The following ALG1L2 variants were observed in gnomAD, a reference collection of about 807,000 sequenced individuals.
ALG1L2 encodes the protein putative glycosyltransferase ALG1L2.
A neutral mutation model predicts 29.0 loss-of-function variants in ALG1L2; 32 were observed. The observed-to-expected ratio is 1.10, with a 90% confidence interval of 0.83 to 1.48. ALG1L2 has a LOEUF of 1.48. ALG1L2 is among the 40% of genes most tolerant of loss of function. ALG1L2 has a pLI of 0.00. For missense variants in ALG1L2, 318 were observed against 274.1 expected (o/e 1.16, Z -1.13); for synonymous variants, 110 against 109.5 (o/e 1.00, Z -0.03).
At chr3:130,097,602 T>A (rs545999487) in intron 7 of ALG1L2, among the ~76,000 whole-genome samples, 1 of 152,332 alleles carries the variant, frequency 6.6e-6, no homozygotes, top group South Asian at 2.1e-4. Flanking sequence ...ATGGGTGGAA[T>A]TCTGCAAAGG....
chr3:130,091,223 T>C lies in ALG1L2; in HGVS notation c.21-38T>C, dbSNP rs73866090. 3.4e-3 allele frequency: 5,401 copies of C among 1,580,206 alleles called. 148 individuals carry two copies. In the African/African-American group the frequency reaches 0.061, roughly 18 times the overall value. On this transcript the variant is annotated intron_variant, in intron 1 of 7. Coordinates refer to ENST00000425059, the MANE Select transcript of ALG1L2 (RefSeq NM_001136152.1). Reference sequence around the variant, plus strand: ...TTTGAGCAGAAAGTAGCCTCCATGCTGGACTAATGCAATAGCCCTGCCATG... The same window carrying C: ...TTTGAGCAGAAAGTAGCCTCCATGCCGGACTAATGCAATAGCCCTGCCATG...
At chr3:130,085,912 G>T (rs1246382435) in intron 1 of ALG1L2, among the ~76,000 whole-genome samples, 1 of 151,442 alleles carries the variant, frequency 6.6e-6, no homozygotes, top group Admixed American at 6.6e-5. Context: ...ATACAAGAAG[G>T]AGAGGGAACA....
chr3:130,094,864 C>T (rs964496500), intron 5 of ALG1L2, among the ~76,000 whole-genome samples: 3 of 152,214 alleles, frequency 2.0e-5, no homozygotes, highest in Non-Finnish European at 4.4e-5. Flanking sequence ...GACGATGAGT[C>T]AGACAGCGTC....
chr3:130,092,448 G>A (rs1935038250), intron 3 of ALG1L2, among the ~76,000 whole-genome samples: 1 of 152,226 alleles, frequency 6.6e-6, no homozygotes. Flanking sequence ...TTAGAAAGTA[G>A]GTGTGTGGCT....
At position 130,092,173 on chromosome 3, in the gene ALG1L2, G is replaced by A. The variant is rs553721989; in HGVS notation, c.204G>A (p.Thr68=). 64 of 1,612,954 alleles carry A rather than the reference G, an allele frequency of 4.0e-5. No homozygotes were observed. Among genetic ancestry groups the A allele is most frequent in the African/African-American group, 2.7e-4 (20 of 75,008 alleles). Residue 68 remains threonine (T), a synonymous_variant, in exon 3 of 8, where the codon ACG becomes ACA. Transcript: ENST00000425059. ...TERDSGSGLV[T]RLHERPALLV... The stretch of plus-strand genomic sequence containing the variant: ...GGGATTCTGGGAGCGGGCTGGTGAC[G>A]CGTCTCCACGAGCGGCCAGCCCTGC...
Position 130,082,039 on chromosome 3 carries a change from A to G in ALG1L2, c.20+3A>G. 2 of 1,508,740 alleles carry G rather than the reference A, an allele frequency of 1.3e-6. No homozygotes were observed. Among genetic ancestry groups the G allele is most frequent in the Non-Finnish European group, 1.8e-6 (2 of 1,111,176 alleles). The allele number at this position is 1,508,740 out of a possible 1,614,324, so 93.5% of individuals were successfully genotyped here. A position where few individuals can be genotyped will look rare whatever the true frequency, so the allele number is the denominator to read the frequency against. ...GACATGGGAGCTACTGCAGGCTGGT[A>G]AGCAGGGGGGTGGTGCTGGTTGGAT... On this transcript the variant is annotated splice_donor_region_variant and intron_variant, in intron 1 of 7. Coordinates refer to ENST00000425059, the MANE Select transcript of ALG1L2 (RefSeq NM_001136152.1).
intron 5 of ALG1L2, 51 bp downstream of exon 5, chr3:130,094,564 GAACAGGGGTGGGC>G: frequency 1.7e-6 from 1 of 587,950 alleles, no homozygotes; most frequent in South Asian, 1.6e-5. Flanking sequence ...TATGCAGGGG[GAACAGGGGTGGGC>G]GGGGTGTACC....
intron 1 of ALG1L2, among the ~76,000 whole-genome samples, chr3:130,088,427 T>TCC: frequency 6.6e-6 from 1 of 151,272 alleles, no homozygotes; most frequent in South Asian, 2.1e-4. Context: ...ATTCTTTTTT[T>TCC]CTTTTTCTGA....
intron 3 of ALG1L2, among the ~76,000 whole-genome samples, chr3:130,092,740 T>C (rs58991392): frequency 6.6e-6 from 1 of 152,030 alleles, no homozygotes; most frequent in Non-Finnish European, 1.5e-5. Flanking sequence ...TATTTAAAAA[T>C]TTTTTTCTGA....
chr3:130,091,724 C>G (rs1275815939), intron 2 of ALG1L2: 1 of 570,424 alleles, frequency 1.8e-6, no homozygotes, highest in African/African-American at 1.9e-5. Context: ...CCTGTGTGTC[C>G]CCTGGGGTGT....
At chr3:130,084,286 C>A (rs1391838137) in intron 1 of ALG1L2, among the ~76,000 whole-genome samples, 1 of 135,004 alleles carries the variant, frequency 7.4e-6, no homozygotes, top group African/African-American at 2.5e-5. Context: ...AGCGAGACCC[C>A]ATTTCCCCCC....
chr3:130,097,766 A>G (rs1346497237), intron 7 of ALG1L2, among the ~76,000 whole-genome samples: 3 of 152,230 alleles, frequency 2.0e-5, no homozygotes, highest in Admixed American at 2.0e-4. Flanking sequence ...GAAAGTAGCC[A>G]CAGATCATCT....
At chr3:130,093,197 G>A (rs763974501) in intron 4 of ALG1L2, 37 bp downstream of exon 4, 5 of 1,600,492 alleles carry the variant, frequency 3.1e-6, no homozygotes, top group Non-Finnish European at 4.3e-6. Flanking sequence ...TTTGGTTGGG[G>A]GATGGTGGAG....
chr3:130,098,155 C>T, intron 7 of ALG1L2, 68 bp from the exon 8 acceptor site: 1 of 1,590,562 alleles, frequency 6.3e-7, no homozygotes. Context: ...GGTCGGGGAG[C>T]TGGGGTCATC....
intron 3 of ALG1L2, among the ~76,000 whole-genome samples, chr3:130,092,505 C>T (rs1287134397): frequency 6.6e-6 from 1 of 152,176 alleles, no homozygotes; most frequent in African/African-American, 2.4e-5. Flanking sequence ...CTGTGAGCTG[C>T]TTGCCTGGTC....
intron 1 of ALG1L2, among the ~76,000 whole-genome samples, chr3:130,085,884 C>A (rs1425874365): frequency 1.3e-5 from 2 of 151,210 alleles, no homozygotes; most frequent in African/African-American, 2.4e-5. Context: ...CAGCACTTAG[C>A]AGCCCAGGTG....
intron 1 of ALG1L2, among the ~76,000 whole-genome samples, chr3:130,084,109 G>A (rs188134995): frequency 1.4e-5 from 2 of 147,786 alleles, no homozygotes; most frequent in East Asian, 3.9e-4. Context: ...CTGAGGCTCA[G>A]GAGGGGCTAC....
chr3:130,087,315 T>C lies in ALG1L2; in HGVS notation c.21-3946T>C, dbSNP rs542956674. 2.0e-5 allele frequency among the ~76,000 whole-genome samples: 3 copies of C among 149,684 alleles called. No individual in the cohort carries two copies. In the South Asian group the frequency reaches 6.4e-4, roughly 32 times the overall value. On this transcript the variant is annotated intron_variant, in intron 1 of 7. Transcript: ENST00000425059. ...GCCAAATCCAAAGTAAGGGACATTCTATCAAATAACCGTCTTGCGTTCTTC... is the reference window on the plus strand; with the variant it reads ...GCCAAATCCAAAGTAAGGGACATTCCATCAAATAACCGTCTTGCGTTCTTC...
intron 5 of ALG1L2, among the ~76,000 whole-genome samples, 199 bp from the exon 6 acceptor site, chr3:130,095,850 A>AAAAGTGTC (rs976163403): frequency 3.9e-5 from 6 of 152,324 alleles, no homozygotes; most frequent in African/African-American, 1.4e-4. Context: ...GTTACGTAGA[A>AAAAGTGTC]AAAGTGTCAA....
Sources: allele counts gnomAD v4.1 joint callset (sites outside exome capture counted in the v4.1 genomes callset), GRCh38; gene constraint gnomAD v4.1.1; transcripts MANE v1.5; gene names NCBI Gene and HGNC (gene_info 2026-07-23, HGNC 2026-07-21).